Variants in MIEF1 observed in about 807,000 individuals in gnomAD.
MIEF1 encodes the protein mitochondrial dynamics protein MIEF1.
In MIEF1, 14 loss-of-function variants were observed where a neutral mutation model predicts 35.1. The observed-to-expected ratio is 0.40, with a 90% CI of 0.26 to 0.62. MIEF1 has a LOEUF of 0.62. MIEF1 is among the 20% of genes least tolerant of loss of function. MIEF1 has a pLI of 0.43. For synonymous variants in MIEF1, 245 were observed against 254.3 expected (o/e 0.96, Z 0.35); for missense variants, 542 against 615.4 (o/e 0.88, Z 1.26).
rs1239727302 is a variant in MIEF1, at chr22:39,514,701, T to C, written c.*378T>C. The C allele has an allele frequency of 3.6e-6, 1 of 274,200 alleles. No homozygotes were observed. The highest frequency in any genetic ancestry group is 2.2e-5 in the African/African-American group (1 of 45,666). 17.0% of individuals were successfully genotyped at this position (274,200 alleles called of 1,614,324 possible). On this transcript the variant is annotated 3_prime_UTR_variant, in exon 6 of 6. Coordinates refer to ENST00000325301, the MANE Select transcript of MIEF1 (RefSeq NM_019008.6). ...CTGTTCCTATTCAGTGTCTTTTCTA[T>C]TTTTTCCTCTCTCGTTCATGCCTTC...
At chr22:39,512,900 C>T (rs1016295863) in intron 5 of MIEF1, among the ~76,000 whole-genome samples, 21 of 152,150 alleles carry the variant, frequency 1.4e-4, no homozygotes, top group African/African-American at 3.4e-4. Flanking sequence ...CCACCCACCT[C>T]GGCCTCCCAA....
intron 3 of MIEF1, 100 bp from the exon 4 acceptor site, chr22:39,511,749 A>G (rs1386839824): frequency 7.0e-7 from 1 of 1,434,826 alleles, no homozygotes; most frequent in Non-Finnish European, 9.4e-7. Flanking sequence ...CAAAATTACT[A>G]AAAGAACTTA....
chr22:39,509,341 A>G (rs1382726590), intron 2 of MIEF1: 1 of 152,256 alleles, frequency 6.6e-6, no homozygotes, highest in African/African-American at 2.4e-5. Context: ...TGTGAAGGAC[A>G]CGGGATATTA....
At chr22:39,511,641 T>C (rs1930345612) in intron 3 of MIEF1, among the ~76,000 whole-genome samples, 1 of 152,250 alleles carries the variant, frequency 6.6e-6, no homozygotes, top group African/African-American at 2.4e-5. Flanking sequence ...CAAACAGTTT[T>C]CTCTGGGTCA....
At chr22:39,507,886 T>A (rs1244397874) in intron 2 of MIEF1, among the ~76,000 whole-genome samples, 1 of 151,956 alleles carries the variant, frequency 6.6e-6, no homozygotes, top group Non-Finnish European at 1.5e-5. Flanking sequence ...AAAAATAGTT[T>A]TGATCTCAAG....
At chr22:39,505,485 C>A (rs1474536646) in intron 2 of MIEF1, among the ~76,000 whole-genome samples, 1 of 152,192 alleles carries the variant, frequency 6.6e-6, no homozygotes, top group African/African-American at 2.4e-5. Context: ...AACAGCTCTG[C>A]CTGTCCAGAA....
At chr22:39,511,592 G>A (rs551973848) in intron 3 of MIEF1, among the ~76,000 whole-genome samples, 154 bp downstream of exon 3, 3 of 152,252 alleles carry the variant, frequency 2.0e-5, no homozygotes, top group East Asian at 3.9e-4. Flanking sequence ...TAGAGTGATC[G>A]TCATTACATG....
intron 2 of MIEF1, among the ~76,000 whole-genome samples, chr22:39,505,020 C>T (rs1929944802): frequency 6.6e-6 from 1 of 152,144 alleles, no homozygotes; most frequent in Non-Finnish European, 1.5e-5. Context: ...TGGTGAAACC[C>T]TGTCTCTACC....
upstream of MIEF1, chr22:39,501,935 G>C (rs1929725628): frequency 6.6e-6 from 1 of 152,568 alleles, no homozygotes. Flanking sequence ...AATTCCCTCA[G>C]GTACCCCAGG....
Position 39,516,859 on chromosome 22 carries a change from T to C in MIEF1, c.*2536T>C, listed in dbSNP as rs1300844081. On this transcript the variant is annotated 3_prime_UTR_variant, in exon 6 of 6. Transcript: ENST00000325301. ...TTAACTGTTGGACAAAACCATAACTTTGTCATTTTACAAGGAAGAACCTCT... is the reference window on the plus strand; with the variant it reads ...TTAACTGTTGGACAAAACCATAACTCTGTCATTTTACAAGGAAGAACCTCT... 1 of 152,172 alleles carries C rather than the reference T, an allele frequency of 6.6e-6. No individual in the cohort carries two copies. Among genetic ancestry groups the C allele is most frequent in the Non-Finnish European group, 1.5e-5 (1 of 68,026 alleles). The allele number at this position is 152,172 out of a possible 1,614,324, so 9.4% of individuals were successfully genotyped here.
At chr22:39,513,496 C>G (rs761661594) in intron 5 of MIEF1, 21 bp from the exon 6 acceptor site, 3 of 1,610,252 alleles carry the variant, frequency 1.9e-6, no homozygotes, top group South Asian at 2.2e-5. Flanking sequence ...CCTCAAAACC[C>G]TTTAAATTCT....
Position 39,515,206 on chromosome 22 carries a change from T to C in MIEF1, c.*883T>C, listed in dbSNP as rs1174478554. The C allele has an allele frequency of 7.2e-6, 5 of 698,096 alleles. No homozygotes were observed. The Admixed American group carries it at 1.1e-4, about 15-fold the overall frequency. The allele number at this position is 698,096 out of a possible 1,614,324, so 43.2% of individuals were successfully genotyped here. A position where few individuals can be genotyped will look rare whatever the true frequency, so the allele number is the denominator to read the frequency against. On this transcript the variant is annotated 3_prime_UTR_variant, in exon 6 of 6. Transcript: ENST00000325301. ...ATCATGAATGCTGGTTTTCACACCT[T>C]TTCCTTATTTTATTGCCAATCAGGA... is the stretch of plus-strand genomic sequence containing the variant.
intron 3 of MIEF1, among the ~76,000 whole-genome samples, 155 bp from the exon 4 acceptor site, chr22:39,511,694 A>AGATTTTC (rs1486256667): frequency 2.0e-5 from 3 of 152,236 alleles, no homozygotes; most frequent in Non-Finnish European, 4.4e-5. Flanking sequence ...GTCTTCCCTG[A>AGATTTTC]GATTTTCTGC....
intron 2 of MIEF1, among the ~76,000 whole-genome samples, chr22:39,505,706 G>A (rs1228806420): frequency 6.6e-6 from 1 of 152,160 alleles, no homozygotes; most frequent in African/African-American, 2.4e-5. Context: ...GAGCATACCA[G>A]TGGCAGTGTG....
In MIEF1 at chr22:39,514,002, G is replaced by T; in HGVS notation, c.1071G>T (p.Ser357=). 6.2e-7 allele frequency: 1 copy of T among 1,613,206 alleles called. No homozygotes were observed. Reference sequence around the variant, plus strand: ...TGCGGGCTCTGGACCAGGCTGACTCGGGCTGCCGATCTCTGTGCCTCAAGA... The same window carrying T: ...TGCGGGCTCTGGACCAGGCTGACTCTGGCTGCCGATCTCTGTGCCTCAAGA... ...ARLRALDQAD[S]GCRSLCLKIL... The change falls in exon 6 of 6, where the codon TCG becomes TCT. Residue 357 remains serine, a synonymous_variant. Coordinates refer to ENST00000325301, the MANE Select transcript of MIEF1 (RefSeq NM_019008.6).
chr22:39,503,117 C>G (rs1929833406), intron 1 of MIEF1: 1 of 152,196 alleles, frequency 6.6e-6, no homozygotes, highest in Non-Finnish European at 1.5e-5. Context: ...TGGGAAAGTT[C>G]GTGGAGCACC....
chr22:39,502,256 G>C (rs897856753), upstream of MIEF1: 6 of 152,440 alleles, frequency 3.9e-5, no homozygotes, highest in African/African-American at 1.4e-4. Context: ...GCCCGAGAGA[G>C]AGCTTGGAGA....
At chr22:39,513,143 C>T (rs1412127488) in intron 5 of MIEF1, among the ~76,000 whole-genome samples, 1 of 150,904 alleles carries the variant, frequency 6.6e-6, no homozygotes, top group Non-Finnish European at 1.5e-5. Flanking sequence ...TTCTGTTGCC[C>T]AGGCTGGAGT....
Position 39,511,409 on chromosome 22 carries a change from CT to C in MIEF1, c.116del (p.Leu39ArgfsTer25). The C allele has an allele frequency of 6.3e-7, 1 of 1,596,620 alleles. No individual in the cohort carries two copies. The highest frequency in any genetic ancestry group is 8.5e-7 in the Non-Finnish European group (1 of 1,170,056). On this transcript the variant is annotated frameshift_variant, in exon 3 of 6. Coordinates refer to ENST00000325301, the MANE Select transcript of MIEF1 (RefSeq NM_019008.6). LOFTEE classifies it high-confidence loss of function. ...GCTGGGGGTGGGTGGAGCGGCCATGCTGGGCATCGCCACGCTGGCAGTTAAG... is the reference window on the plus strand; with the variant it reads ...GCTGGGGGTGGGTGGAGCGGCCATGCGGGCATCGCCACGCTGGCAGTTAAG... ...LVLGVGGAAM[L>X]GIATLAVKRM... is the part of the protein sequence containing the mutation.
Sources: allele counts gnomAD v4.1 joint callset (sites outside exome capture counted in the v4.1 genomes callset), GRCh38; gene constraint gnomAD v4.1.1; transcripts MANE v1.5; gene names NCBI Gene and HGNC (gene_info 2026-07-23, HGNC 2026-07-21).